The following EBF1 variants were observed in gnomAD, a reference collection of about 807,000 sequenced individuals.
The protein encoded by EBF1 is EBF transcription factor 1.
A neutral mutation model predicts 68.4 loss-of-function variants in EBF1; 10 were observed. That is an observed-to-expected ratio of 0.15 (90% confidence interval 0.09 to 0.25). The LOEUF (loss-of-function observed/expected upper bound fraction) is 0.25. Among genes scored for constraint, EBF1 ranks in the 10% least tolerant of loss-of-function variants. EBF1 has a pLI of 1.00. For synonymous variants in EBF1, 298 were observed against 299.8 expected, an observed-to-expected ratio of 0.99 and a Z score of 0.06; for missense variants, 509 against 794.4, an observed-to-expected ratio of 0.64 and a Z score of 4.32.
At chr5:159,095,961 C>A (rs1782532524) in intron 3 of EBF1, among the ~76,000 whole-genome samples, 1 of 152,242 alleles carries the variant, frequency 6.6e-6, no homozygotes, top group Admixed American at 6.5e-5. Context: ...TGTCTGTTCT[C>A]ACGGCAAGAG....
At chr5:159,097,169 C>T (rs773347800) in intron 1 of EBF1, 39 bp from the exon 2 acceptor site, 2 of 1,588,674 alleles carry the variant, frequency 1.3e-6, no homozygotes, top group Non-Finnish European at 1.7e-6. Context: ...CTAAACCGGA[C>T]GCCGACCCGC....
intron 10 of EBF1, among the ~76,000 whole-genome samples, chr5:158,734,590 G>T (rs1458826351): frequency 6.6e-6 from 1 of 152,112 alleles, no homozygotes; most frequent in Non-Finnish European, 1.5e-5. Flanking sequence ...TACTCTGCAA[G>T]AATGTAATAT....
rs780679918 is a variant in EBF1, at chr5:159,096,329, G to A, written c.355+14C>T. ...AGCCCCAGGGTGAGGCCATAGACCCGACCCGGGCCTCACCATTGCTGTAGA... is the reference window on the plus strand; with the variant it reads ...AGCCCCAGGGTGAGGCCATAGACCCAACCCGGGCCTCACCATTGCTGTAGA... On this transcript the variant is annotated intron_variant, in intron 3 of 15. Coordinates refer to ENST00000313708, the MANE Select transcript of EBF1 (RefSeq NM_024007.5). 3.7e-6 allele frequency: 6 copies of A among 1,611,978 alleles called. No individual in the cohort carries two copies. Among genetic ancestry groups the A allele is most frequent in the African/African-American group, 1.3e-5 (1 of 74,902 alleles).
intron 6 of EBF1, among the ~76,000 whole-genome samples, chr5:158,889,446 C>T (rs1800726431): frequency 6.6e-6 from 1 of 152,088 alleles, no homozygotes; most frequent in African/African-American, 2.4e-5. Flanking sequence ...CTAGCAATTC[C>T]TCTACTGCTT....
chr5:158,926,490 C>T (rs1278378408), intron 6 of EBF1, among the ~76,000 whole-genome samples: 1 of 151,980 alleles, frequency 6.6e-6, no homozygotes, highest in Non-Finnish European at 1.5e-5. Context: ...CTTTGGGAGG[C>T]CAAAGTGGGT....
chr5:158,896,986 A>G (rs1239456561), intron 6 of EBF1, among the ~76,000 whole-genome samples: 2 of 152,058 alleles, frequency 1.3e-5, no homozygotes, highest in Non-Finnish European at 2.9e-5. Flanking sequence ...ATTTCAGCCC[A>G]AGACACACCG....
chr5:158,701,938 C>T (rs1017924209), intron 15 of EBF1, among the ~76,000 whole-genome samples: 2 of 152,120 alleles, frequency 1.3e-5, no homozygotes, highest in Non-Finnish European at 2.9e-5. Context: ...GCTGAGTATC[C>T]TCATGGGGAA....
At chr5:158,710,385 T>C (rs1162239278) in intron 14 of EBF1, among the ~76,000 whole-genome samples, 6 of 152,354 alleles carry the variant, frequency 3.9e-5, no homozygotes, top group Non-Finnish European at 8.8e-5. Context: ...GCAATTAGTT[T>C]ATTGATTTAA....
intron 6 of EBF1, among the ~76,000 whole-genome samples, chr5:159,069,401 C>G (rs147912941): frequency 6.6e-6 from 1 of 152,006 alleles, no homozygotes; most frequent in African/African-American, 2.4e-5. Flanking sequence ...AGAAATCTAG[C>G]CAGAAACTTC....
At chr5:158,780,991 T>A (rs938712725) in intron 9 of EBF1, among the ~76,000 whole-genome samples, 1 of 152,140 alleles carries the variant, frequency 6.6e-6, no homozygotes, top group Admixed American at 6.6e-5. Flanking sequence ...GGGCTAGAAA[T>A]AAATATTCTT....
At chr5:158,883,146 G>C (rs1297650024) in intron 6 of EBF1, among the ~76,000 whole-genome samples, 1 of 152,020 alleles carries the variant, frequency 6.6e-6, no homozygotes, top group East Asian at 1.9e-4. Flanking sequence ...TCACCAGAGA[G>C]AGGTACATTC....
intron 4 of EBF1, among the ~76,000 whole-genome samples, chr5:159,088,191 CT>C (rs1781049095): frequency 6.6e-6 from 1 of 151,870 alleles, no homozygotes; most frequent in Non-Finnish European, 1.5e-5. Context: ...ACATGTACCC[CT>C]ATCATACAGA....
intron 6 of EBF1, among the ~76,000 whole-genome samples, chr5:158,874,009 A>G (rs540497424): frequency 6.6e-6 from 1 of 152,318 alleles, no homozygotes; most frequent in South Asian, 2.1e-4. Context: ...GAAAATATTG[A>G]TCAGCCTAAA....
chr5:159,080,182 GA>G (rs1383334197), intron 5 of EBF1, among the ~76,000 whole-genome samples: 1 of 152,128 alleles, frequency 6.6e-6, no homozygotes, highest in Non-Finnish European at 1.5e-5. Context: ...TCTCCACAGA[GA>G]AATTTTGGCT....
Position 159,072,982 on chromosome 5 carries a change from C to T in EBF1, c.554+414G>A, listed in dbSNP as rs115862314. ...AAAACCTTAAAGTGTAGATGGATTACGTCCAACAGAACTACTGTAGCTAAA... is the reference window on the plus strand; with the variant it reads ...AAAACCTTAAAGTGTAGATGGATTATGTCCAACAGAACTACTGTAGCTAAA... On this transcript the variant is annotated intron_variant, in intron 6 of 15. Transcript: ENST00000313708. Among the ~76,000 whole-genome samples, 417 of 151,872 alleles carry T rather than the reference C, an allele frequency of 2.7e-3. 1 individual carries two copies. The highest frequency in any genetic ancestry group is 0.01 in the Middle Eastern group (3 of 294).
At chr5:158,981,077 C>A (rs1005920877) in intron 6 of EBF1, among the ~76,000 whole-genome samples, 1 of 151,620 alleles carries the variant, frequency 6.6e-6, no homozygotes, top group African/African-American at 2.4e-5. Flanking sequence ...ATATACTATT[C>A]AATAAGGTGT....
Position 158,971,107 on chromosome 5 carries a change from T to C in EBF1, c.554+102289A>G, listed in dbSNP as rs368604493. On this transcript the variant is annotated intron_variant, in intron 6 of 15. Coordinates refer to ENST00000313708, the MANE Select transcript of EBF1 (RefSeq NM_024007.5). Reference sequence around the variant, plus strand: ...ATCTTCAATTTACTATAATGCTAAGTACATTTATCATGGACTCAAAATCTA... The same window carrying C: ...ATCTTCAATTTACTATAATGCTAAGCACATTTATCATGGACTCAAAATCTA... Among the ~76,000 whole-genome samples, 7 of 152,378 alleles carry C rather than the reference T, an allele frequency of 4.6e-5. No individual in the cohort carries two copies. The South Asian group carries it at 1.4e-3, about 32-fold the overall frequency.
intron 6 of EBF1, among the ~76,000 whole-genome samples, chr5:158,930,262 T>TTG (rs78756101): frequency 0.031 from 3,378 of 108,278 alleles, 129 homozygotes; most frequent in African/African-American, 0.089. Flanking sequence ...GTTTTTTTGT[T>TTG]TTTTTTTTTG....
At chr5:158,856,222 A>G (rs1287249886) in intron 6 of EBF1, among the ~76,000 whole-genome samples, 4 of 152,180 alleles carry the variant, frequency 2.6e-5, no homozygotes, top group African/African-American at 9.7e-5. Flanking sequence ...TTAAGCCAAG[A>G]GGTGTCGTGA....
Sources: allele counts gnomAD v4.1 joint callset (sites outside exome capture counted in the v4.1 genomes callset), GRCh38; gene constraint gnomAD v4.1.1; transcripts MANE v1.5; gene names NCBI Gene and HGNC (gene_info 2026-07-23, HGNC 2026-07-21).